GRM7: variants seen among roughly 807,000 people sequenced by gnomAD.
GRM7 encodes the protein glutamate metabotropic receptor 7, also known as metabotropic glutamate receptor 7.
GRM7 carries 35 observed loss-of-function variants against 84.5 expected under a neutral mutation model. The observed-to-expected ratio is 0.41, with a 90% CI of 0.32 to 0.55. The LOEUF (loss-of-function observed/expected upper bound fraction) is 0.55, where lower values mean the gene tolerates loss of function less well. Among genes scored for constraint, GRM7 ranks in the 20% least tolerant of loss-of-function variants. The probability of loss-of-function intolerance (pLI) is 0.19; values close to 1 mark genes in which losing one functional copy is unlikely to be tolerated. For missense variants in GRM7, 1,003 were observed against 1,194.6 expected (o/e 0.84, Z 2.36); for synonymous variants, 487 against 455.1 (o/e 1.07, Z -0.89).
At chr3:7,489,155 A>G (rs1178330783) in intron 7 of GRM7, among the ~76,000 whole-genome samples, 2 of 152,166 alleles carry the variant, frequency 1.3e-5, no homozygotes, top group South Asian at 2.1e-4. Flanking sequence ...TTAAAAACGT[A>G]TTTGACTGTG....
intron 5 of GRM7, among the ~76,000 whole-genome samples, chr3:7,417,405 C>T (rs1199546168): frequency 1.3e-5 from 2 of 152,026 alleles, no homozygotes; most frequent in East Asian, 3.8e-4. Flanking sequence ...CCAAATCCAA[C>T]CATATGTACA....
At chr3:7,329,984 A>G (rs1701138270) in intron 4 of GRM7, among the ~76,000 whole-genome samples, 1 of 152,154 alleles carries the variant, frequency 6.6e-6, no homozygotes, top group Non-Finnish European at 1.5e-5. Flanking sequence ...GGAGTCACTC[A>G]ATAGTATGAT....
intron 2 of GRM7, among the ~76,000 whole-genome samples, chr3:7,185,143 A>G (rs1695471711): frequency 6.6e-6 from 1 of 152,114 alleles, no homozygotes; most frequent in Non-Finnish European, 1.5e-5. Context: ...ATTTCTGCAA[A>G]TGCGACCACC....
chr3:6,869,581 G>GTCTGTCTATCTATCTATCTATCTATCTA (rs1695047198), intron 1 of GRM7, among the ~76,000 whole-genome samples: 12 of 150,774 alleles, frequency 8.0e-5, no homozygotes, highest in Admixed American at 1.3e-4. Flanking sequence ...CTATCTATCT[G>GTCTGTCTATCTATCTATCTATCTATCTA]TCTATCTATC....
intron 1 of GRM7, among the ~76,000 whole-genome samples, chr3:6,924,722 A>G (rs552175327): frequency 5.3e-5 from 8 of 151,976 alleles, no homozygotes; most frequent in African/African-American, 1.7e-4. Context: ...ACACTGTAAG[A>G]GGCTACCAGA....
chr3:7,264,857 C>G (rs1219163720), intron 2 of GRM7, among the ~76,000 whole-genome samples: 1 of 70,048 alleles, frequency 1.4e-5, no homozygotes, highest in Non-Finnish European at 2.7e-5. Context: ...CTAGAGAGAG[C>G]AAATATCTTT....
In GRM7 at chr3:7,300,619, G is replaced by A. The variant is rs540291541; in HGVS notation, c.878+1794G>A. 9.9e-5 allele frequency among the ~76,000 whole-genome samples: 15 copies of A among 152,122 alleles called. 3 individuals carry two copies. The South Asian group carries it at 3.1e-3, about 32-fold the overall frequency. On this transcript the variant is annotated intron_variant, in intron 3 of 9. Transcript: ENST00000357716. ...GATTTGCTACTGTAGGCACACTGCC[G>A]TGGTATGATCTCCCTCCCAATTCTG...
chr3:7,304,185 T>C (rs1427774731), intron 3 of GRM7, among the ~76,000 whole-genome samples: 2 of 152,078 alleles, frequency 1.3e-5, no homozygotes, highest in African/African-American at 2.4e-5. Flanking sequence ...AAAAATCTAA[T>C]AGAGCTACTG....
chr3:7,701,495 G>A (rs1366925861), intron 9 of GRM7, among the ~76,000 whole-genome samples: 4 of 152,166 alleles, frequency 2.6e-5, no homozygotes, highest in South Asian at 4.2e-4. Context: ...AGTAGAGACA[G>A]GGTTTCACCA....
chr3:7,170,470 G>A (rs1031861034), intron 2 of GRM7, among the ~76,000 whole-genome samples: 3 of 152,100 alleles, frequency 2.0e-5, no homozygotes, highest in African/African-American at 7.2e-5. Flanking sequence ...TTCCCTGAAT[G>A]CCAGATTGTT....
intron 7 of GRM7, among the ~76,000 whole-genome samples, chr3:7,485,162 A>G (rs965933049): frequency 2.6e-5 from 4 of 152,236 alleles, no homozygotes; most frequent in African/African-American, 9.6e-5. Context: ...TGTGAACCAG[A>G]GAACCCAACT....
chr3:7,472,274 C>A (rs1698732184), intron 7 of GRM7, among the ~76,000 whole-genome samples: 1 of 152,176 alleles, frequency 6.6e-6, no homozygotes, highest in Admixed American at 6.5e-5. Context: ...TACTCAGCCT[C>A]AGATATTCCT....
At chr3:7,061,503 T>G in intron 1 of GRM7, among the ~76,000 whole-genome samples, 1 of 151,782 alleles carries the variant, frequency 6.6e-6, no homozygotes, top group East Asian at 1.9e-4. Flanking sequence ...TGACTGTTTG[T>G]AGCCATTGTA....
chr3:6,958,419 G>A (rs1011235658), intron 1 of GRM7, among the ~76,000 whole-genome samples: 1 of 152,068 alleles, frequency 6.6e-6, no homozygotes. Context: ...TTATTTATCT[G>A]TTCACCTGCT....
At chr3:6,883,643 T>G (rs1030119516) in intron 1 of GRM7, among the ~76,000 whole-genome samples, 1 of 152,214 alleles carries the variant, frequency 6.6e-6, no homozygotes, top group East Asian at 1.9e-4. Flanking sequence ...AGATGGCATT[T>G]TAGGTTGTAT....
chr3:7,204,712 T>C (rs531873267), intron 2 of GRM7, among the ~76,000 whole-genome samples: 8 of 152,350 alleles, frequency 5.3e-5, no homozygotes, highest in Non-Finnish European at 7.4e-5. Flanking sequence ...GACTTCCCCA[T>C]TGGGACTGCC....
intron 7 of GRM7, among the ~76,000 whole-genome samples, chr3:7,517,849 A>C (rs1700449622): frequency 6.6e-6 from 1 of 152,214 alleles, no homozygotes; most frequent in South Asian, 2.1e-4. Context: ...AGTTTTCCCA[A>C]GCTCGTCCAG....
intron 1 of GRM7, among the ~76,000 whole-genome samples, chr3:6,914,695 C>G (rs1696884757): frequency 6.6e-6 from 1 of 152,064 alleles, no homozygotes; most frequent in African/African-American, 2.4e-5. Flanking sequence ...GCCACCGTGC[C>G]CGGCCCTATT....
intron 8 of GRM7, among the ~76,000 whole-genome samples, chr3:7,675,197 C>G (rs182769177): frequency 7.9e-4 from 120 of 152,230 alleles, no homozygotes; most frequent in African/African-American, 2.8e-3. Flanking sequence ...TAGTTCTAGT[C>G]TTATATCTAT....
Sources: allele counts gnomAD v4.1 joint callset (sites outside exome capture counted in the v4.1 genomes callset), GRCh38; gene constraint gnomAD v4.1.1; transcripts MANE v1.5; gene names NCBI Gene and HGNC (gene_info 2026-07-23, HGNC 2026-07-21).